MROH9: variants seen among roughly 807,000 people sequenced by gnomAD.
MROH9 encodes maestro heat-like repeat-containing protein family member 9.
Under a neutral mutation model 98.2 loss-of-function variants are expected in MROH9, and 92 were observed. The observed-to-expected ratio is 0.94, with a 90% CI of 0.79 to 1.11. The LOEUF (loss-of-function observed/expected upper bound fraction) is 1.11, where lower values mean the gene tolerates loss of function less well. MROH9 is among the 50% of genes most tolerant of loss of function. The pLI is 0.00. For synonymous variants in MROH9, 397 were observed against 368.9 expected (o/e 1.08, Z -0.87); for missense variants, 1,057 against 1,014.8 (o/e 1.04, Z -0.57).
In MROH9 at chr1:170,970,731, T is replaced by TGTGTGTGTGTGTGTGA. The variant is rs1491154307; in HGVS notation, c.481-1016_481-1015insTGTGTGTGTGTGTGAG. 3.9e-3 allele frequency among the ~76,000 whole-genome samples: 355 copies of TGTGTGTGTGTGTGTGA among 90,820 alleles called. 1 individual carries two copies. Among genetic ancestry groups the TGTGTGTGTGTGTGTGA allele is most frequent in the African/African-American group, 0.013 (308 of 23,118 alleles). 59.6% of individuals were successfully genotyped at this position (90,820 alleles called of 152,430 possible). A position where few individuals can be genotyped will look rare whatever the true frequency, so the allele number is the denominator to read the frequency against. On this transcript the variant is annotated intron_variant, in intron 7 of 21. Coordinates refer to ENST00000367759, the MANE Select transcript of MROH9 (RefSeq NM_001163629.2). ...GTGTGTGTGTGTGTGTGTGTGTGTGTGAGAGAGAGAGAGAGAGAGAGAGAG... is the reference window on the plus strand; with the variant it reads ...GTGTGTGTGTGTGTGTGTGTGTGTGTGTGTGTGTGTGTGTGAGAGAGAGAGAGAGAGAGAGAGAGAG...
chr1:170,997,929 C>T (rs1651642950), intron 14 of MROH9, among the ~76,000 whole-genome samples: 1 of 152,034 alleles, frequency 6.6e-6, no homozygotes, highest in Non-Finnish European at 1.5e-5. Flanking sequence ...ATGGGAGAGA[C>T]AGGAAAGAGA....
At chr1:171,057,183 T>C (rs1445409397) in intron 20 of MROH9, among the ~76,000 whole-genome samples, 1 of 152,188 alleles carries the variant, frequency 6.6e-6, no homozygotes, top group African/African-American at 2.4e-5. Context: ...TAAAGGATTA[T>C]GTTCTAACCC....
intron 8 of MROH9, among the ~76,000 whole-genome samples, chr1:170,978,298 C>T (rs1650794353): frequency 1.3e-5 from 2 of 152,092 alleles, no homozygotes; most frequent in African/African-American, 2.4e-5. Flanking sequence ...AGCCCTCAGG[C>T]TCATTTCTTC....
intron 3 of MROH9, among the ~76,000 whole-genome samples, chr1:170,957,909 C>A (rs1469840744): frequency 6.6e-6 from 1 of 151,740 alleles, no homozygotes; most frequent in Non-Finnish European, 1.5e-5. Context: ...CCCGGGTTCA[C>A]GCCATTCTCC....
At chr1:170,993,170 G>T (rs747486822) in intron 12 of MROH9, among the ~76,000 whole-genome samples, 3 of 152,124 alleles carry the variant, frequency 2.0e-5, no homozygotes, top group Non-Finnish European at 4.4e-5. Context: ...TGTAATGACA[G>T]GTTTGGAATT....
intron 15 of MROH9, among the ~76,000 whole-genome samples, chr1:171,013,738 C>T (rs555905781): frequency 6.6e-6 from 1 of 152,166 alleles, no homozygotes; most frequent in Non-Finnish European, 1.5e-5. Context: ...CAGTGCCTGG[C>T]CTGTAGTGGG....
intron 15 of MROH9, among the ~76,000 whole-genome samples, chr1:171,011,776 T>TC (rs1165955614): frequency 6.6e-6 from 1 of 152,208 alleles, no homozygotes; most frequent in Non-Finnish European, 1.5e-5. Context: ...ACACTTTTTT[T>TC]CTCACTGCTC....
At chr1:171,026,474 A>G (rs1371024150) in intron 20 of MROH9, among the ~76,000 whole-genome samples, 2 of 150,848 alleles carry the variant, frequency 1.3e-5, no homozygotes, top group East Asian at 3.9e-4. Context: ...GAGTTTCACT[A>G]TGTTTGCCAG....
chr1:171,039,749 C>T (rs1169536334), intron 20 of MROH9, among the ~76,000 whole-genome samples: 1 of 152,060 alleles, frequency 6.6e-6, no homozygotes, highest in Non-Finnish European at 1.5e-5. Flanking sequence ...TCTACCTAAT[C>T]TTAAAAGGAA....
chr1:170,992,137 T>C (rs758342414), intron 11 of MROH9, 27 bp from the exon 12 acceptor site: 1 of 1,566,982 alleles, frequency 6.4e-7, no homozygotes, highest in Non-Finnish European at 8.6e-7. Flanking sequence ...ATGATTCTCA[T>C]TGTGTGGGGT....
chr1:170,952,078 C>T (rs545013387), intron 3 of MROH9, among the ~76,000 whole-genome samples: 3 of 150,750 alleles, frequency 2.0e-5, no homozygotes, highest in Non-Finnish European at 4.5e-5. Flanking sequence ...TAGAATGGCA[C>T]TCATTAAAAA....
At chr1:170,982,264 T>A (rs1025205279) in intron 8 of MROH9, among the ~76,000 whole-genome samples, 2 of 152,022 alleles carry the variant, frequency 1.3e-5, no homozygotes. Context: ...ATTATTCCAG[T>A]AAAAAAGAAC....
chr1:171,040,667 G>C (rs1053042229), intron 20 of MROH9, among the ~76,000 whole-genome samples: 1 of 152,072 alleles, frequency 6.6e-6, no homozygotes, highest in South Asian at 2.1e-4. Flanking sequence ...ATGAACTTTA[G>C]TGTTACTATC....
intron 20 of MROH9, among the ~76,000 whole-genome samples, chr1:171,061,011 C>T (rs1653993480): frequency 1.3e-5 from 2 of 152,042 alleles, no homozygotes; most frequent in East Asian, 1.9e-4. Context: ...AACTTTAAAA[C>T]GTCTACAAGT....
intron 9 of MROH9, 52 bp from the exon 10 acceptor site, chr1:170,986,509 T>G (rs1010829633): frequency 3.2e-6 from 5 of 1,572,284 alleles, no homozygotes; most frequent in Non-Finnish European, 3.5e-6. Flanking sequence ...TTTAGCTGTC[T>G]TATGTTGGTG....
chr1:171,036,592 A>C (rs1316005757), intron 20 of MROH9, among the ~76,000 whole-genome samples: 1 of 151,974 alleles, frequency 6.6e-6, no homozygotes, highest in Non-Finnish European at 1.5e-5. Flanking sequence ...GACATGTAGA[A>C]GTTTATTGCC....
intron 14 of MROH9, among the ~76,000 whole-genome samples, chr1:170,997,697 T>A (rs910202619): frequency 3.9e-5 from 6 of 152,130 alleles, no homozygotes; most frequent in African/African-American, 1.4e-4. Flanking sequence ...GAGAATGGCA[T>A]AGTGAATCAG....
intron 14 of MROH9, among the ~76,000 whole-genome samples, chr1:170,997,744 T>C (rs574708196): frequency 1.3e-4 from 20 of 152,202 alleles, no homozygotes; most frequent in African/African-American, 3.9e-4. Context: ...TCCAGGGCGG[T>C]CCCAAACTCT....
At chr1:171,044,970 A>ATTTTTTTTTTTTTTTTTTTTT (rs1162985944) in intron 20 of MROH9, among the ~76,000 whole-genome samples, 1 of 41,356 alleles carries the variant, frequency 2.4e-5, no homozygotes, top group Non-Finnish European at 5.3e-5. Context: ...TTCTGCTCTG[A>ATTTTTTTTTTTTTTTTTTTTT]TCTTTTTTTT....
Sources: allele counts gnomAD v4.1 joint callset (sites outside exome capture counted in the v4.1 genomes callset), GRCh38; gene constraint gnomAD v4.1.1; transcripts MANE v1.5; gene names NCBI Gene and HGNC (gene_info 2026-07-23, HGNC 2026-07-21).